Variants in DYRK1A observed in about 807,000 individuals in gnomAD.
DYRK1A encodes the protein dual specificity tyrosine-phosphorylation-regulated kinase 1A.
In DYRK1A, 9 loss-of-function variants were observed where a neutral mutation model predicts 79.7. The observed-to-expected ratio is 0.11, with a 90% CI of 0.07 to 0.20. The LOEUF (loss-of-function observed/expected upper bound fraction) is 0.20. Among genes scored for constraint, DYRK1A ranks in the 10% least tolerant of loss-of-function variants. The pLI, the probability that DYRK1A is intolerant of heterozygous loss-of-function variation, is 1.00. For missense variants in DYRK1A, 622 were observed against 956.0 expected (o/e 0.65, Z 4.61); for synonymous variants, 349 against 329.7 (o/e 1.06, Z -0.63).
rs553868561 is a variant in DYRK1A, at chr21:37,483,567, TTTTTG to T, written c.489+2766_489+2770del. Among the ~76,000 whole-genome samples the T allele has an allele frequency of 1.4e-3, 210 of 152,160 alleles. 1 individual carries two copies. The highest frequency in any genetic ancestry group is 3.4e-3 in the African/African-American group (142 of 41,526). ...GTTTTCAGTGCTTTGGGAGTCCTTT[TTTTTG>T]TTTTGTTTTGTTTTGTTTTGTTTTT... On this transcript the variant is annotated intron_variant, in intron 5 of 11. Coordinates refer to ENST00000647188, the MANE Select transcript of DYRK1A (RefSeq NM_001347721.2).
chr21:37,425,588 T>G (rs914589326), intron 2 of DYRK1A: 1 of 152,206 alleles, frequency 6.6e-6, no homozygotes, highest in African/African-American at 2.4e-5. Flanking sequence ...ATTCATGATT[T>G]TGGATTTTAG....
chr21:37,401,502 G>T (rs545870824), intron 1 of DYRK1A, among the ~76,000 whole-genome samples: 3 of 143,224 alleles, frequency 2.1e-5, no homozygotes, highest in Non-Finnish European at 3.0e-5. Flanking sequence ...TTTTTTGGGA[G>T]ACAGAGTTTC....
intron 2 of DYRK1A, among the ~76,000 whole-genome samples, chr21:37,426,142 A>G (rs968806488): frequency 6.6e-6 from 1 of 152,184 alleles, no homozygotes; most frequent in African/African-American, 2.4e-5. Flanking sequence ...GGGCAAAGGA[A>G]AAAATGTCAG....
At chr21:37,434,127 G>A (rs2050855069) in intron 2 of DYRK1A, among the ~76,000 whole-genome samples, 1 of 152,292 alleles carries the variant, frequency 6.6e-6, no homozygotes, top group African/African-American at 2.4e-5. Context: ...AAGAGAAATT[G>A]TAGTGTTAGG....
intron 2 of DYRK1A, among the ~76,000 whole-genome samples, chr21:37,449,055 T>C (rs1031610175): frequency 1.3e-5 from 2 of 152,180 alleles, no homozygotes; most frequent in African/African-American, 4.8e-5. Context: ...GCTTTACTTT[T>C]GTACCTCTTC....
At chr21:37,458,997 A>G (rs573597102) in intron 2 of DYRK1A, among the ~76,000 whole-genome samples, 2 of 152,330 alleles carry the variant, frequency 1.3e-5, no homozygotes, top group East Asian at 1.9e-4. Flanking sequence ...TCAGGCTGGC[A>G]GTTCACTGTT....
intron 2 of DYRK1A, among the ~76,000 whole-genome samples, chr21:37,436,217 A>C (rs756583386): frequency 1.3e-5 from 2 of 152,204 alleles, no homozygotes; most frequent in African/African-American, 2.4e-5. Flanking sequence ...TTAAGGTTTT[A>C]AATATCACTT....
intron 2 of DYRK1A, 86 bp downstream of exon 2, chr21:37,420,470 T>C: frequency 7.3e-7 from 1 of 1,374,494 alleles, no homozygotes; most frequent in South Asian, 1.2e-5. Context: ...AGGTTTCTGA[T>C]AAATAGCAGT....
At chr21:37,451,401 A>G (rs2051446010) in intron 2 of DYRK1A, among the ~76,000 whole-genome samples, 2 of 112,538 alleles carry the variant, frequency 1.8e-5, no homozygotes, top group African/African-American at 3.5e-5. Context: ...TGCAACTTCC[A>G]GTCCTGCAAG....
In DYRK1A at chr21:37,517,750, G is replaced by A. The variant is rs1384129976; in HGVS notation, c.*5219G>A. On this transcript the variant is annotated 3_prime_UTR_variant, in exon 12 of 12. Coordinates refer to ENST00000647188, the MANE Select transcript of DYRK1A (RefSeq NM_001347721.2). ...GTTGAGTTGCTTAAAAGAGACCCTG[G>A]GAGGATGAATTTGGAATCATCATCC... 1.3e-5 allele frequency: 2 copies of A among 152,078 alleles called. No individual in the cohort carries two copies. Among genetic ancestry groups the A allele is most frequent in the African/African-American group, 4.8e-5 (2 of 41,360 alleles). 9.4% of individuals were successfully genotyped at this position (152,078 alleles called of 1,614,324 possible).
intron 2 of DYRK1A, among the ~76,000 whole-genome samples, chr21:37,458,860 C>G (rs920408128): frequency 2.0e-5 from 3 of 152,112 alleles, no homozygotes; most frequent in African/African-American, 7.2e-5. Context: ...CAGGCTCTTC[C>G]CCTGCTCTCC....
chr21:37,431,771 C>A (rs551617000), intron 2 of DYRK1A, among the ~76,000 whole-genome samples: 25 of 152,252 alleles, frequency 1.6e-4, no homozygotes, highest in African/African-American at 5.8e-4. Flanking sequence ...TACAAAAATA[C>A]TTTATGTAGT....
intron 1 of DYRK1A, among the ~76,000 whole-genome samples, chr21:37,396,688 T>G (rs921622144): frequency 6.6e-6 from 1 of 152,214 alleles, no homozygotes; most frequent in Non-Finnish European, 1.5e-5. Context: ...TTTCATTGTT[T>G]ATAAACTTGA....
At chr21:37,458,684 T>A (rs2051741033) in intron 2 of DYRK1A, among the ~76,000 whole-genome samples, 1 of 152,198 alleles carries the variant, frequency 6.6e-6, no homozygotes, top group Non-Finnish European at 1.5e-5. Flanking sequence ...CTGTCTTCTG[T>A]AGAGCAAGCT....
intron 1 of DYRK1A, among the ~76,000 whole-genome samples, chr21:37,415,337 G>A (rs2050317081): frequency 6.6e-6 from 1 of 152,154 alleles, no homozygotes. Flanking sequence ...TGCCATTGGA[G>A]TAGTATAATC....
At chr21:37,437,536 A>G (rs1437833449) in intron 2 of DYRK1A, among the ~76,000 whole-genome samples, 1 of 152,230 alleles carries the variant, frequency 6.6e-6, no homozygotes, top group Non-Finnish European at 1.5e-5. Flanking sequence ...GATTTTGACA[A>G]GTATTACTTG....
intron 2 of DYRK1A, chr21:37,428,927 G>C (rs1241767726): frequency 6.6e-6 from 1 of 152,002 alleles, no homozygotes; most frequent in Non-Finnish European, 1.5e-5. Flanking sequence ...CACCGTGCCC[G>C]ACCAAGATTT....
chr21:37,424,282 T>G (rs971185797), intron 2 of DYRK1A, among the ~76,000 whole-genome samples: 6 of 152,210 alleles, frequency 3.9e-5, no homozygotes, highest in African/African-American at 1.4e-4. Flanking sequence ...ATTTTTCTAG[T>G]AAGTTAAAAA....
chr21:37,367,669 C>G (rs1453019447), intron 1 of DYRK1A, 41 bp downstream of exon 1: 1 of 144,776 alleles, frequency 6.9e-6, no homozygotes. Context: ...CGGCCTGGCG[C>G]TCGGCTCCCC....
Sources: allele counts gnomAD v4.1 joint callset (sites outside exome capture counted in the v4.1 genomes callset), GRCh38; gene constraint gnomAD v4.1.1; transcripts MANE v1.5; gene names NCBI Gene and HGNC (gene_info 2026-07-23, HGNC 2026-07-21).